ADAM19: variants seen among roughly 807,000 people sequenced by gnomAD.
ADAM19 encodes the protein ADAM metallopeptidase domain 19, also known as disintegrin and metalloproteinase domain-containing protein 19.
A neutral mutation model predicts 114.7 loss-of-function variants in ADAM19; 65 were observed. The ratio of observed to expected loss-of-function variants is 0.57; its 90% CI spans 0.46 to 0.70. The LOEUF is 0.70. ADAM19 is among the 30% of genes least tolerant of loss of function. The pLI is 0.00. For missense variants in ADAM19, 1,063 were observed against 1,204.7 expected (o/e 0.88, Z 1.74); for synonymous variants, 466 against 460.5 (o/e 1.01, Z -0.15).
At position 157,515,706 on chromosome 5, in the gene ADAM19, C is replaced by T. The variant is rs150139680; in HGVS notation, c.667-2201G>A. On this transcript the variant is annotated intron_variant, in intron 7 of 22. Coordinates refer to ENST00000257527, the MANE Select transcript of ADAM19 (RefSeq NM_033274.5). ...CAAACTTACATTTTCTAGGGTGACA[C>T]AGTGAGTACCACATGCAGCACCATC... Among the ~76,000 whole-genome samples, 556 of 152,316 alleles carry T rather than the reference C, an allele frequency of 3.7e-3. 5 individuals carry two copies. The highest frequency in any genetic ancestry group is 0.013 in the African/African-American group (521 of 41,546).
chr5:157,518,680 A>G (rs1004420143), intron 7 of ADAM19, 143 bp downstream of exon 7: 2 of 804,270 alleles, frequency 2.5e-6, no homozygotes, highest in Non-Finnish European at 2.1e-6. Context: ...CGCCGCGCCC[A>G]GCCTTTGGTG....
chr5:157,494,828 C>T, intron 14 of ADAM19, 33 bp from the exon 15 acceptor site: 12 of 1,576,402 alleles, frequency 7.6e-6, no homozygotes, highest in Middle Eastern at 1.7e-4. Flanking sequence ...TCAGTATACT[C>T]ATCTGTCAGA....
intron 3 of ADAM19, among the ~76,000 whole-genome samples, chr5:157,544,125 G>C (rs1057045755): frequency 6.6e-6 from 1 of 152,194 alleles, no homozygotes; most frequent in Non-Finnish European, 1.5e-5. Context: ...ACAGAAAGGC[G>C]AAGGAAGGGG....
chr5:157,494,856 G>GACTT lies in ADAM19; in HGVS notation c.1595-62_1595-61insAAGT, dbSNP rs1581297435. On this transcript the variant is annotated intron_variant, in intron 14 of 22. Transcript: ENST00000257527. ...CTGTCAGAAGCCCCCAAGGGCAAAGGTATCTTTGGTAAAGTCATGAAGGTA... is the reference window on the plus strand; with the variant it reads ...CTGTCAGAAGCCCCCAAGGGCAAAGGACTTTATCTTTGGTAAAGTCATGAAGGTA... 5.2e-6 allele frequency: 7 copies of GACTT among 1,348,046 alleles called. No homozygotes were observed. In the East Asian group the frequency reaches 1.6e-4, roughly 31 times the overall value. The allele number at this position is 1,348,046 out of a possible 1,614,324, so 83.5% of individuals were successfully genotyped here. A position where few individuals can be genotyped will look rare whatever the true frequency, so the allele number is the denominator to read the frequency against.
intron 3 of ADAM19, 119 bp downstream of exon 3, chr5:157,564,254 A>G: frequency 1.1e-6 from 1 of 896,248 alleles, no homozygotes; most frequent in Admixed American, 1.9e-5. Flanking sequence ...GAAAGAAACC[A>G]AGGACTGAGA....
rs149585154 is a variant in ADAM19 at position 157,516,276 on chromosome 5, C to T, written c.666+2547G>A. 1.3e-3 allele frequency among the ~76,000 whole-genome samples: 205 copies of T among 152,244 alleles called. 6 individuals carry two copies. The East Asian group carries it at 0.035, about 26-fold the overall frequency. On this transcript the variant is annotated intron_variant, in intron 7 of 22. Coordinates refer to ENST00000257527, the MANE Select transcript of ADAM19 (RefSeq NM_033274.5). ...GGTGTCCAGGACTGAGAAATGAGCA[C>T]GTTCCCTTATCCACCACAGCTGCAT...
intron 15 of ADAM19, among the ~76,000 whole-genome samples, chr5:157,493,732 C>T (rs1409434808): frequency 1.3e-5 from 2 of 152,148 alleles, no homozygotes; most frequent in Admixed American, 6.5e-5. Flanking sequence ...ATCTAAACTC[C>T]CCTAGCCATG....
At chr5:157,575,140 C>G (rs2113806948) in intron 1 of ADAM19, among the ~76,000 whole-genome samples, 1 of 152,346 alleles carries the variant, frequency 6.6e-6, no homozygotes, top group African/African-American at 2.4e-5. Context: ...ACCAGTGTGG[C>G]AGGCACCGAG....
At chr5:157,550,441 C>T (rs532801630) in intron 3 of ADAM19, among the ~76,000 whole-genome samples, 2 of 152,306 alleles carry the variant, frequency 1.3e-5, no homozygotes, top group Admixed American at 1.3e-4. Context: ...ACATCCACAA[C>T]TCAATTTCCA....
At chr5:157,495,101 A>G (rs950280794) in intron 14 of ADAM19, among the ~76,000 whole-genome samples, 3 of 151,758 alleles carry the variant, frequency 2.0e-5, no homozygotes, top group African/African-American at 7.3e-5. Flanking sequence ...GCAATTCTCT[A>G]CCTCAGCCTC....
In ADAM19 at chr5:157,477,472, G is replaced by T. The variant is rs1754629111; in HGVS notation, c.*3477C>A. The T allele has an allele frequency of 3.9e-6, 4 of 1,038,344 alleles. No individual in the cohort carries two copies. Among genetic ancestry groups the T allele is most frequent in the Non-Finnish European group, 3.5e-6 (3 of 858,266 alleles). The allele number at this position is 1,038,344 out of a possible 1,614,324, so 64.3% of individuals were successfully genotyped here. On this transcript the variant is annotated 3_prime_UTR_variant, in exon 23 of 23. Transcript: ENST00000257527. ...CCGTGAACAATCTCCCAAATAAAAA[G>T]AAAATTCACATTGCCCTGGATCCCA...
chr5:157,523,359 C>T (rs1404121478), intron 5 of ADAM19, among the ~76,000 whole-genome samples: 2 of 152,188 alleles, frequency 1.3e-5, no homozygotes, highest in Non-Finnish European at 2.9e-5. Context: ...CACCAAGTCT[C>T]ACGGTAGAAT....
chr5:157,500,265 T>C (rs1200865009), intron 12 of ADAM19, among the ~76,000 whole-genome samples: 1 of 152,100 alleles, frequency 6.6e-6, no homozygotes, highest in African/African-American at 2.4e-5. Context: ...GCCTCCCAAG[T>C]AGCTGGGACC....
intron 5 of ADAM19, 67 bp downstream of exon 5, chr5:157,530,740 G>A: frequency 7.1e-7 from 1 of 1,399,968 alleles, no homozygotes; most frequent in South Asian, 1.2e-5. Flanking sequence ...CCTCAGCCTT[G>A]TCTATCTTGA....
rs537231878 is a variant in ADAM19, at chr5:157,492,899, C to A, written c.1908+74G>T. The A allele has an allele frequency of 4.3e-5, 66 of 1,535,286 alleles. No individual in the cohort carries two copies. In the Middle Eastern group the frequency reaches 1.4e-3, roughly 33 times the overall value. ...CGAGGTGGCATCTGAGCCCAGGCAT[C>A]CTTCCCTCAGACCTCACTTCTCAAT... On this transcript the variant is annotated intron_variant, in intron 16 of 22. Coordinates refer to ENST00000257527, the MANE Select transcript of ADAM19 (RefSeq NM_033274.5).
chr5:157,528,653 G>A (rs1194775142), intron 5 of ADAM19, among the ~76,000 whole-genome samples: 1 of 152,118 alleles, frequency 6.6e-6, no homozygotes, highest in Non-Finnish European at 1.5e-5. Flanking sequence ...ACAAAGTCAT[G>A]GCCCAATTTA....
intron 5 of ADAM19, among the ~76,000 whole-genome samples, chr5:157,522,796 A>AAAAAT (rs1277523429): frequency 1.3e-5 from 2 of 152,154 alleles, no homozygotes; most frequent in African/African-American, 4.8e-5. Context: ...CAAAAGAAAA[A>AAAAAT]AAAATACCCT....
chr5:157,540,876 A>G (rs775229710), intron 3 of ADAM19, among the ~76,000 whole-genome samples: 2 of 152,152 alleles, frequency 1.3e-5, no homozygotes, highest in Non-Finnish European at 2.9e-5. Flanking sequence ...TGGCCTCTGA[A>G]TCTACATAAA....
chr5:157,527,210 TTTTG>T (rs912617320), intron 5 of ADAM19, among the ~76,000 whole-genome samples: 8 of 151,878 alleles, frequency 5.3e-5, no homozygotes, highest in African/African-American at 7.3e-5. Flanking sequence ...TGACACTTTT[TTTTG>T]TTTGTTTGTT....
Sources: gnomAD v4.1 joint callset for allele counts (sites outside exome capture counted in the v4.1 genomes callset) on GRCh38, gnomAD v4.1.1 for gene constraint, MANE v1.5 for transcripts, NCBI Gene and HGNC (gene_info 2026-07-23, HGNC 2026-07-21) for gene names.